Variants in CSMD1 observed in about 807,000 individuals in gnomAD.
CSMD1 encodes the protein CUB and sushi domain-containing protein 1.
CSMD1 carries 213 observed loss-of-function variants against 417.5 expected under a neutral mutation model. The observed-to-expected ratio is 0.51, with a 90% CI of 0.46 to 0.57. The LOEUF (loss-of-function observed/expected upper bound fraction) is 0.57. Ranked by LOEUF, CSMD1 falls within the 20% of genes least tolerant of loss-of-function variation. The pLI is 0.00. For missense variants in CSMD1, 6,923 were observed against 4,529.7 expected, an observed-to-expected ratio of 1.53 and a Z score of -15.17; for synonymous variants, 2,862 against 1,736.8, an observed-to-expected ratio of 1.65 and a Z score of -16.11.
At chr8:3,044,420 C>A (rs1425687918) in intron 50 of CSMD1, among the ~76,000 whole-genome samples, 7 of 152,156 alleles carry the variant, frequency 4.6e-5, no homozygotes, top group African/African-American at 1.7e-4. Flanking sequence ...CTCACTTACA[C>A]CAGAGAAATA....
rs191297609 is a variant in CSMD1, at chr8:3,281,597, G to A, written c.4153+2547C>T. 2.7e-3 allele frequency among the ~76,000 whole-genome samples: 405 copies of A among 152,278 alleles called. 3 individuals are homozygous for A. The highest frequency in any genetic ancestry group is 4.2e-3 in the Non-Finnish European group (285 of 68,024). On this transcript the variant is annotated intron_variant, in intron 26 of 69. Transcript: ENST00000635120. ...GACAACATGAAAGGCCACACACTGC[G>A]TGATTCTAACTCTGTGACTTTCAGG...
intron 1 of CSMD1, among the ~76,000 whole-genome samples, chr8:4,686,537 C>G (rs1806397287): frequency 6.6e-6 from 1 of 152,238 alleles, no homozygotes; most frequent in Admixed American, 6.5e-5. Flanking sequence ...CCTGAGCAAA[C>G]AGCCCCTGCT....
chr8:3,259,853 A>T (rs1315548833), intron 26 of CSMD1, among the ~76,000 whole-genome samples: 2 of 58,106 alleles, frequency 3.4e-5, no homozygotes. Flanking sequence ...AAATGGTTAA[A>T]AAATATCAAA....
At chr8:3,564,517 T>TTTGTGTGTGTGTGTG (rs144757433) in intron 10 of CSMD1, among the ~76,000 whole-genome samples, 2 of 145,392 alleles carry the variant, frequency 1.4e-5, no homozygotes, top group Non-Finnish European at 3.0e-5. Context: ...CACAGTATAT[T>TTTGTGTGTGTGTGTG]TGTGTGTGTG....
At position 4,788,244 on chromosome 8, in the gene CSMD1, G is replaced by T. The variant is rs879101337; in HGVS notation, c.86-150686C>A. 8.8e-6 allele frequency: 14 copies of T among 1,587,714 alleles called. No homozygotes were observed. The East Asian group carries it at 3.1e-4, about 36-fold the overall frequency. ...TAAAGGACCAGATGAAACTCTGAGG[G>T]TTAAAGCTGAGTATGAAAGGGATGG... On this transcript the variant is annotated intron_variant, in intron 1 of 69. Coordinates refer to ENST00000635120, the MANE Select transcript of CSMD1 (RefSeq NM_033225.6).
At chr8:3,161,448 C>G (rs938114662) in intron 38 of CSMD1, among the ~76,000 whole-genome samples, 10 of 151,920 alleles carry the variant, frequency 6.6e-5, no homozygotes, top group African/African-American at 2.4e-4. Context: ...GAAACCCCAT[C>G]TCTACTAAAA....
intron 3 of CSMD1, among the ~76,000 whole-genome samples, chr8:4,403,416 A>T (rs1453917851): frequency 6.6e-6 from 1 of 152,188 alleles, no homozygotes; most frequent in Non-Finnish European, 1.5e-5. Context: ...CCACAGAAGT[A>T]AGAGTTTCAC....
At chr8:3,277,061 G>A (rs1316204900) in intron 26 of CSMD1, among the ~76,000 whole-genome samples, 1 of 152,124 alleles carries the variant, frequency 6.6e-6, no homozygotes, top group Non-Finnish European at 1.5e-5. Flanking sequence ...TGTGCAACAA[G>A]GCGGGGAAGG....
chr8:4,490,447 G>C (rs1801643556), intron 2 of CSMD1, among the ~76,000 whole-genome samples: 1 of 152,114 alleles, frequency 6.6e-6, no homozygotes, highest in African/African-American at 2.4e-5. Context: ...TTAACTTTTA[G>C]TTTTTTAATG....
intron 3 of CSMD1, among the ~76,000 whole-genome samples, chr8:4,152,567 G>C (rs35129893): frequency 0.32 from 47,745 of 151,266 alleles, 9,422 homozygotes; most frequent in Non-Finnish European, 0.43. Context: ...GTGCACACTT[G>C]TGTTCCCAAC....
At chr8:3,659,682 A>T (rs147593025) in intron 7 of CSMD1, among the ~76,000 whole-genome samples, 1 of 152,180 alleles carries the variant, frequency 6.6e-6, no homozygotes, top group African/African-American at 2.4e-5. Context: ...TTCTGTTAAC[A>T]ATATGGGCTT....
chr8:3,097,123 T>C (rs1438862345), intron 46 of CSMD1, 86 bp from the exon 47 acceptor site: 6 of 1,114,008 alleles, frequency 5.4e-6, no homozygotes, highest in Non-Finnish European at 7.4e-6. Flanking sequence ...TATAAACAAG[T>C]CAATGAAAGG....
At chr8:3,896,324 T>G (rs975158175) in intron 5 of CSMD1, among the ~76,000 whole-genome samples, 1 of 152,130 alleles carries the variant, frequency 6.6e-6, no homozygotes, top group African/African-American at 2.4e-5. Flanking sequence ...ATTTCCAGAT[T>G]TCCATATACT....
rs74924032 is a variant in CSMD1, at chr8:4,131,637, G to T, written c.416-99538C>A. Among the ~76,000 whole-genome samples, 376 of 151,150 alleles carry T rather than the reference G, an allele frequency of 2.5e-3. 1 individual carries two copies. The highest frequency in any genetic ancestry group is 8.8e-3 in the African/African-American group (364 of 41,180). ...GAGAATAGGTACAGCTTCTTGACTA[G>T]TTCTCAAGTAAATAAAACTTAAAAT... On this transcript the variant is annotated intron_variant, in intron 3 of 69. Transcript: ENST00000635120.
At chr8:3,764,262 C>A (rs953347405) in intron 5 of CSMD1, among the ~76,000 whole-genome samples, 1 of 152,224 alleles carries the variant, frequency 6.6e-6, no homozygotes, top group Admixed American at 6.5e-5. Context: ...CAGCTACACA[C>A]TGCCTGTGTT....
intron 12 of CSMD1, among the ~76,000 whole-genome samples, chr8:3,464,045 G>C (rs1816665566): frequency 2.0e-5 from 3 of 152,276 alleles, no homozygotes; most frequent in Middle Eastern, 3.4e-3. Flanking sequence ...ATCACTCTTA[G>C]TATTAGCCCA....
intron 3 of CSMD1, among the ~76,000 whole-genome samples, chr8:4,087,033 C>G (rs1374282299): frequency 6.6e-6 from 1 of 152,164 alleles, no homozygotes; most frequent in South Asian, 2.1e-4. Context: ...GAATTAAGTT[C>G]CTCCCCAGTG....
chr8:4,050,615 A>T (rs558324222), intron 3 of CSMD1, among the ~76,000 whole-genome samples: 1 of 152,100 alleles, frequency 6.6e-6, no homozygotes, highest in African/African-American at 2.4e-5. Context: ...TGCTTACAAG[A>T]GTCATCCTGC....
chr8:4,947,261 G>A (rs1322082541), intron 1 of CSMD1, among the ~76,000 whole-genome samples: 6 of 152,068 alleles, frequency 3.9e-5, no homozygotes, highest in Non-Finnish European at 8.8e-5. Context: ...AAATTACCTT[G>A]GCAATGATAT....
Sources: gnomAD v4.1 joint callset for allele counts (sites outside exome capture counted in the v4.1 genomes callset) on GRCh38, gnomAD v4.1.1 for gene constraint, MANE v1.5 for transcripts, NCBI Gene and HGNC (gene_info 2026-07-23, HGNC 2026-07-21) for gene names.